The following CRELD1 variants were observed in gnomAD, a reference collection of about 807,000 sequenced individuals.
CRELD1 encodes the protein CRELD disulfide isomerase 1.
Under a neutral mutation model 58.2 loss-of-function variants are expected in CRELD1, and 42 were observed. That is an observed-to-expected ratio of 0.72 (90% CI 0.56 to 0.93). The LOEUF (loss-of-function observed/expected upper bound fraction) is 0.93, where lower values mean the gene tolerates loss of function less well. Ranked by LOEUF, CRELD1 falls within the 40% of genes least tolerant of loss-of-function variation. The pLI is 0.00. For missense variants in CRELD1, 500 were observed against 540.6 expected, an observed-to-expected ratio of 0.92 and a Z score of 0.74; for synonymous variants, 222 against 202.0, an observed-to-expected ratio of 1.10 and a Z score of -0.84.
intron 3 of CRELD1, 57 bp from the exon 4 acceptor site, chr3:9,937,502 TGAG>T (rs987497899): frequency 5.4e-6 from 6 of 1,113,162 alleles, no homozygotes; most frequent in South Asian, 3.9e-5. Context: ...GAGAGAGACT[TGAG>T]GAGGGTGGTG....
Position 9,941,192 on chromosome 3 carries a change from ACCT to A in CRELD1, c.721_723del (p.Leu241del). On this transcript the variant is annotated inframe_deletion, in exon 7 of 11. Coordinates refer to ENST00000452070, the MANE Select transcript of CRELD1 (RefSeq NM_001077415.3). The stretch of plus-strand genomic sequence containing the variant: ...TGCAAGAAGGGCTGGGCCCTGCATC[ACCT>A]CAAGTGTGTAGGTAAGTGGGGCCCT... 6.2e-7 allele frequency: 1 copy of A among 1,613,648 alleles called. No homozygotes were observed. Among genetic ancestry groups the A allele is most frequent in the South Asian group, 1.1e-5 (1 of 91,068 alleles).
rs894677482 is a variant in CRELD1, at chr3:9,943,843, C to T, written c.1048+328C>T. 5 of 1,613,624 alleles carry T rather than the reference C, an allele frequency of 3.1e-6. No individual in the cohort carries two copies. In the African/African-American group the frequency reaches 5.3e-5, roughly 17 times the overall value. The stretch of plus-strand genomic sequence containing the variant: ...GGGGTGTGGTGAGATGCAGGGTAAT[C>T]ACAACGATGATGGCAGGGACCATTT... On this transcript the variant is annotated intron_variant, in intron 10 of 10. Coordinates refer to ENST00000452070, the MANE Select transcript of CRELD1 (RefSeq NM_001077415.3).
At chr3:9,939,672 C>A (rs2085292715) in intron 5 of CRELD1, among the ~76,000 whole-genome samples, 1 of 152,208 alleles carries the variant, frequency 6.6e-6, no homozygotes, top group African/African-American at 2.4e-5. Flanking sequence ...TCAACAGGAT[C>A]CCAAGGCAGA....
chr3:9,934,592 C>T lies in CRELD1; in HGVS notation c.154C>T (p.Leu52=). 6.2e-7 allele frequency: 1 copy of T among 1,613,738 alleles called. No individual in the cohort carries two copies. The highest frequency in any genetic ancestry group is 8.5e-7 in the Non-Finnish European group (1 of 1,179,712). The change falls in exon 2 of 11, where the codon CTG becomes TTG. Residue 52 remains leucine, a synonymous_variant. Transcript: ENST00000452070. ...QPHPCHTCRG[L]VDSFNKGLER... ...CCATCCGTGTCATACCTGCCGGGGA[C>T]TGGTTGACAGCTTTAACAAGGTGGG...
In CRELD1 at chr3:9,938,030, G is replaced by A. The variant is rs1031664529; in HGVS notation, c.384G>A (p.Pro128=). The part of the protein sequence containing the change: ...SWWFHKQQEA[P]DLFQWLCSDS... ...CCTGCCTCAGGCAGCAGGAGGCCCC[G>A]GACCTCTTCCAGTGGCTGTGCTCAG... The change falls in exon 5 of 11, where the codon CCG becomes CCA. Residue 128 remains proline, a synonymous_variant. Transcript: ENST00000452070. 8 of 1,613,716 alleles carry A rather than the reference G, an allele frequency of 5.0e-6. No individual in the cohort carries two copies. The highest frequency in any genetic ancestry group is 2.7e-5 in the African/African-American group (2 of 75,012).
In CRELD1 at chr3:9,938,000, C is replaced by T. The variant is rs779835056; in HGVS notation, c.369-15C>T. ...CACCTCCTCCCCACCTCCCTCCACC[C>T]TGCCCCTGCCTCAGGCAGCAGGAGG... On this transcript the variant is annotated splice_polypyrimidine_tract_variant and intron_variant, in intron 4 of 10. Transcript: ENST00000452070. 2 of 1,600,030 alleles carry T rather than the reference C, an allele frequency of 1.2e-6. No individual in the cohort carries two copies. The highest frequency in any genetic ancestry group is 1.1e-5 in the South Asian group (1 of 90,702).
At chr3:9,941,332 G>T in intron 7 of CRELD1, 126 bp downstream of exon 7, 1 of 795,718 alleles carries the variant, frequency 1.3e-6, no homozygotes, top group African/African-American at 1.7e-5. Flanking sequence ...CAACCTGGCT[G>T]GGAAGGCAGA....
chr3:9,942,961 C>T (rs2085408936), intron 8 of CRELD1, 65 bp downstream of exon 8: 1 of 1,535,662 alleles, frequency 6.5e-7, no homozygotes, highest in Non-Finnish European at 9.0e-7. Flanking sequence ...CCACACCTGT[C>T]CCTCCAAACC....
Position 9,941,002 on chromosome 3 carries a change from A to G in CRELD1, c.613A>G (p.Asn205Asp), listed in dbSNP as rs763753944. Residue 205 changes from asparagine (N) to aspartate (D), a missense_variant, in exon 6 of 11, where the codon AAC becomes GAC. Coordinates refer to ENST00000452070, the MANE Select transcript of CRELD1 (RefSeq NM_001077415.3). ...CGLGYFEAER[N>D]ASHLVCSACF... ...CCTTGGCTACTTTGAGGCAGAACGC[A>G]ACGCCAGCCATCTGGTATGTTCGGG... is the stretch of plus-strand genomic sequence containing the variant. 32 of 1,614,062 alleles carry G rather than the reference A, an allele frequency of 2.0e-5. No individual in the cohort carries two copies. The Admixed American group carries it at 4.5e-4, about 23-fold the overall frequency.
rs1455953066 is a variant in CRELD1 at position 9,934,889 on chromosome 3, G to A, written c.229G>A (p.Glu77Lys). 1.2e-6 allele frequency: 2 copies of A among 1,612,742 alleles called. No homozygotes were observed. Among genetic ancestry groups the A allele is most frequent in the Non-Finnish European group, 1.7e-6 (2 of 1,179,526 alleles). ...TGGAGGTGGAAACACTGCCTGGGAG[G>A]AAGAGAATTTGTCCAAATACAAAGA... ...NFGGGNTAWEEENLSKYKDSE... is the reference protein window; with the variant it reads ...NFGGGNTAWEKENLSKYKDSE... The change falls in exon 3 of 11, where the codon GAA (glutamate) becomes AAA (lysine). Residue 77 changes from glutamate to lysine, a missense_variant. Coordinates refer to ENST00000452070, the MANE Select transcript of CRELD1 (RefSeq NM_001077415.3).
intron 3 of CRELD1, among the ~76,000 whole-genome samples, chr3:9,937,084 T>C (rs974634091): frequency 6.6e-6 from 1 of 152,216 alleles, no homozygotes; most frequent in Non-Finnish European, 1.5e-5. Context: ...AGTAGTGGAA[T>C]TGGCAGGTCC....
At position 9,933,878 on chromosome 3, in the gene CRELD1, C is replaced by G. The variant is rs1015831287; in HGVS notation, c.-62C>G. On this transcript the variant is annotated 5_prime_UTR_variant, in exon 1 of 11. Coordinates refer to ENST00000452070, the MANE Select transcript of CRELD1 (RefSeq NM_001077415.3). ...GTGAGGAGACGGCCCACGGCGCCCG[C>G]GGGCTGGGGCGGTCGCTTCTTCCTT... The G allele has an allele frequency of 1.7e-5, 8 of 466,338 alleles. No individual in the cohort carries two copies. The highest frequency in any genetic ancestry group is 2.7e-5 in the Non-Finnish European group (7 of 261,608). The allele number at this position is 466,338 out of a possible 1,614,324, so 28.9% of individuals were successfully genotyped here.
In CRELD1 at chr3:9,944,680, AGT is replaced by A; in HGVS notation, c.*103_*104del. The A allele has an allele frequency of 8.5e-7, 1 of 1,169,790 alleles. No homozygotes were observed. Among genetic ancestry groups the A allele is most frequent in the African/African-American group, 1.5e-5 (1 of 66,108 alleles). 72.5% of individuals were successfully genotyped at this position (1,169,790 alleles called of 1,614,324 possible). ...CAGGACAGCTTGGTTTATTTTTGAGAGTGGGGTAAGCACCCCTACCTGCCTTA... is the reference window on the plus strand; with the variant it reads ...CAGGACAGCTTGGTTTATTTTTGAGAGGGGTAAGCACCCCTACCTGCCTTA... On this transcript the variant is annotated 3_prime_UTR_variant, in exon 11 of 11. Coordinates refer to ENST00000452070, the MANE Select transcript of CRELD1 (RefSeq NM_001077415.3).
intron 1 of CRELD1, 57 bp from the exon 2 acceptor site, chr3:9,934,363 T>C: frequency 7.2e-7 from 1 of 1,391,992 alleles, no homozygotes; most frequent in East Asian, 2.3e-5. Context: ...GACCTTTTTC[T>C]TTCTCGCGTG....
intron 3 of CRELD1, among the ~76,000 whole-genome samples, chr3:9,936,873 C>T (rs534194566): frequency 5.4e-4 from 82 of 152,234 alleles, no homozygotes; most frequent in African/African-American, 1.9e-3. Context: ...TCACCCATAC[C>T]GTAGCATATA....
Position 9,944,494 on chromosome 3 carries a change from T to C in CRELD1, c.1178T>C (p.Phe393Ser). 6.2e-7 allele frequency: 1 copy of C among 1,613,110 alleles called. No homozygotes were observed. Among genetic ancestry groups the C allele is most frequent in the Non-Finnish European group, 8.5e-7 (1 of 1,180,020 alleles). The change falls in exon 11 of 11, where the codon TTC becomes TCC. Residue 393 changes from phenylalanine (F) to serine (S), a missense_variant. Phe to Ser is a radical substitution (Grantham distance 155). Coordinates refer to ENST00000452070, the MANE Select transcript of CRELD1 (RefSeq NM_001077415.3). ...GGCGACTTGGTGTTCACCGCCATCTTCATTGGGGCTGTGGCGGCCATGACT... is the reference window on the plus strand; with the variant it reads ...GGCGACTTGGTGTTCACCGCCATCTCCATTGGGGCTGTGGCGGCCATGACT... Reference protein sequence around the residue: ...AKGDLVFTAIFIGAVAAMTGY... With the variant: ...AKGDLVFTAISIGAVAAMTGY...
chr3:9,942,408 T>TA (rs1166686428), intron 7 of CRELD1, among the ~76,000 whole-genome samples: 1 of 152,178 alleles, frequency 6.6e-6, no homozygotes, highest in Non-Finnish European at 1.5e-5. Flanking sequence ...TCCTGTAACT[T>TA]ACTGCACAAT....
rs371829598 is a variant in CRELD1 at position 9,938,753 on chromosome 3, T to G, written c.460+647T>G. ...CGGGCGCCTCTAGTCCCAGCTACTC[T>G]GGAGGCTGAGGCAGAAGAATGGCAT... On this transcript the variant is annotated intron_variant, in intron 5 of 10. Transcript: ENST00000452070. Among the ~76,000 whole-genome samples the G allele has an allele frequency of 2.6e-4, 39 of 151,946 alleles. 1 individual carries two copies. Among genetic ancestry groups the G allele is most frequent in the East Asian group, 9.7e-4 (5 of 5,170 alleles).
At chr3:9,934,659 G>A (rs201654167) in intron 2 of CRELD1, 47 bp downstream of exon 2, 1 of 1,599,102 alleles carries the variant, frequency 6.3e-7, no homozygotes, top group Admixed American at 1.7e-5. Context: ...GCGATTTAGA[G>A]TGGGGAACTC....
Sources: allele counts gnomAD v4.1 joint callset (sites outside exome capture counted in the v4.1 genomes callset), GRCh38; gene constraint gnomAD v4.1.1; transcripts MANE v1.5; gene names NCBI Gene and HGNC (gene_info 2026-07-23, HGNC 2026-07-21).